The following RAB5C variants were observed in gnomAD, a reference collection of about 807,000 sequenced individuals.
RAB5C encodes RAB5C, member RAS oncogene family.
RAB5C carries 4 observed loss-of-function variants against 25.2 expected under a neutral mutation model. The observed-to-expected ratio is 0.16, with a 90% CI of 0.08 to 0.36. The LOEUF is 0.36. Among genes scored for constraint, RAB5C ranks in the 10% least tolerant of loss-of-function variants. The pLI is 1.00. For missense variants in RAB5C, 199 were observed against 283.8 expected, an observed-to-expected ratio of 0.70 and a Z score of 2.15; for synonymous variants, 100 against 106.4, an observed-to-expected ratio of 0.94 and a Z score of 0.37.
chr17:42,154,079 T>G (rs2079689702), intron 1 of RAB5C, among the ~76,000 whole-genome samples: 1 of 152,104 alleles, frequency 6.6e-6, no homozygotes, highest in African/African-American at 2.4e-5. Context: ...AAGCAGTCCC[T>G]TTGAGGCGGC....
rs1275591674 is a variant in RAB5C at position 42,130,317 on chromosome 17, A to T, written c.166+20T>A. 6.3e-7 allele frequency: 1 copy of T among 1,578,192 alleles called. No individual in the cohort carries two copies. On this transcript the variant is annotated intron_variant, in intron 2 of 5. Transcript: ENST00000346213. Reference sequence around the variant, plus strand: ...TTGGCAACCTTCAGGCCCCTCCCCGACTCCCTCATGCCCACTCACCTCCAA... The same window carrying T: ...TTGGCAACCTTCAGGCCCCTCCCCGTCTCCCTCATGCCCACTCACCTCCAA...
chr17:42,140,550 G>A (rs1476215674), intron 1 of RAB5C, among the ~76,000 whole-genome samples: 1 of 117,154 alleles, frequency 8.5e-6, no homozygotes, highest in Non-Finnish European at 1.7e-5. Context: ...TTGAGATGGA[G>A]TCTCGCTCTG....
At chr17:42,147,816 G>C (rs2144097596) in intron 1 of RAB5C, among the ~76,000 whole-genome samples, 1 of 152,244 alleles carries the variant, frequency 6.6e-6, no homozygotes, top group South Asian at 2.1e-4. Flanking sequence ...GTGGGCGAGG[G>C]CCAGGCATGG....
intron 1 of RAB5C, among the ~76,000 whole-genome samples, chr17:42,131,416 C>A (rs776232230): frequency 6.6e-6 from 1 of 150,602 alleles, no homozygotes; most frequent in Non-Finnish European, 1.5e-5. Flanking sequence ...ACACACACAC[C>A]GGAACAAATA....
intron 1 of RAB5C, among the ~76,000 whole-genome samples, chr17:42,133,645 C>G (rs147780914): frequency 7.7e-4 from 117 of 152,304 alleles, no homozygotes; most frequent in African/African-American, 2.7e-3. Context: ...AGAGTGAGCA[C>G]AGGCACTGGC....
At chr17:42,143,565 A>T (rs1387893938) in intron 1 of RAB5C, among the ~76,000 whole-genome samples, 1 of 152,090 alleles carries the variant, frequency 6.6e-6, no homozygotes, top group Non-Finnish European at 1.5e-5. Flanking sequence ...TGAATCTGGG[A>T]GGCAGAGGCT....
At chr17:42,136,173 G>T (rs528811699) in intron 1 of RAB5C, 3 of 152,306 alleles carry the variant, frequency 2.0e-5, no homozygotes, top group African/African-American at 4.8e-5. Flanking sequence ...CGGTTCAAAG[G>T]CTAAAGTGGA....
chr17:42,130,853 A>C (rs2054478298), intron 1 of RAB5C, among the ~76,000 whole-genome samples: 2 of 152,060 alleles, frequency 1.3e-5, no homozygotes, highest in African/African-American at 2.4e-5. Context: ...AAACACATTG[A>C]CTTCTGGATC....
intron 1 of RAB5C, among the ~76,000 whole-genome samples, chr17:42,131,080 C>T (rs578242304): frequency 6.6e-6 from 1 of 152,316 alleles, no homozygotes. Context: ...CCAAGAGGTC[C>T]TGGTAGAAAG....
intron 1 of RAB5C, among the ~76,000 whole-genome samples, chr17:42,148,874 T>A (rs1038027238): frequency 6.6e-6 from 1 of 152,018 alleles, no homozygotes; most frequent in East Asian, 1.9e-4. Context: ...TACTACATAG[T>A]CCCCCACTCT....
chr17:42,126,845 C>G lies in RAB5C; in HGVS notation c.445G>C (p.Ala149Pro), dbSNP rs2144059038. 6.2e-7 allele frequency: 1 copy of G among 1,608,762 alleles called. No individual in the cohort carries two copies. Among genetic ancestry groups the G allele is most frequent in the Middle Eastern group, 1.7e-4 (1 of 6,046 alleles). Residue 149 changes from alanine to proline, a missense_variant, in exon 5 of 6, where the codon GCA becomes CCA. This residue lies in a region of RAB5C where 154 missense variants were observed against 199.6 expected (regional missense o/e 0.77). Coordinates refer to ENST00000346213, the MANE Select transcript of RAB5C (RefSeq NM_004583.4). ...CTGTTGTCGTCTGCATAGGCTTGTG[C>G]TTCCTGGTTTGGATGGAGGTGAGAG... ...ASKRAVEFQE[A>P]QAYADDNSLL...
chr17:42,131,455 A>C lies in RAB5C; in HGVS notation c.-88-865T>G, dbSNP rs116071197. 7.4e-3 allele frequency among the ~76,000 whole-genome samples: 1,115 copies of C among 151,424 alleles called. 5 individuals are homozygous for C. The highest frequency in any genetic ancestry group is 0.015 in the African/African-American group (606 of 41,220). On this transcript the variant is annotated intron_variant, in intron 1 of 5. Coordinates refer to ENST00000346213, the MANE Select transcript of RAB5C (RefSeq NM_004583.4). ...ACTGAAACACACACACACACACACAAAAACACATGCCAACACACACACAGA... is the reference window on the plus strand; with the variant it reads ...ACTGAAACACACACACACACACACACAAACACATGCCAACACACACACAGA...
At chr17:42,144,925 CAAAAAAAAAAAAAAAAAAAAA>C (rs544870361) in intron 1 of RAB5C, among the ~76,000 whole-genome samples, 8 of 31,104 alleles carry the variant, frequency 2.6e-4, no homozygotes, top group African/African-American at 3.9e-4. Flanking sequence ...GACTCCGTCT[CAAAAAAAAAAAAAAAAAAAAA>C]AAAAAAAAAA....
intron 1 of RAB5C, among the ~76,000 whole-genome samples, chr17:42,143,791 T>C (rs1404597685): frequency 6.6e-6 from 1 of 152,176 alleles, no homozygotes; most frequent in Non-Finnish European, 1.5e-5. Flanking sequence ...GGATTATTTA[T>C]TTATTTATTT....
intron 1 of RAB5C, among the ~76,000 whole-genome samples, chr17:42,139,481 G>C (rs932423199): frequency 6.6e-6 from 1 of 151,748 alleles, no homozygotes; most frequent in Non-Finnish European, 1.5e-5. Context: ...CTTTTTTTTT[G>C]AGACGGAATC....
At chr17:42,126,433 C>G (rs2054423995) in intron 5 of RAB5C, 2 of 185,550 alleles carry the variant, frequency 1.1e-5, no homozygotes, top group African/African-American at 2.4e-5. Flanking sequence ...GAGATCGAGA[C>G]CATCCTGGCT....
intron 1 of RAB5C, among the ~76,000 whole-genome samples, chr17:42,143,845 G>A (rs2079616621): frequency 6.6e-6 from 1 of 152,002 alleles, no homozygotes; most frequent in African/African-American, 2.4e-5. Context: ...GGGTGCAGTG[G>A]CAGGATCTCT....
At chr17:42,126,702 A>AGG in intron 5 of RAB5C, 53 bp downstream of exon 5, 1 of 1,114,816 alleles carries the variant, frequency 9.0e-7, no homozygotes, top group Non-Finnish European at 1.3e-6. Context: ...ACCAGCAGAC[A>AGG]GGTGATATGC....
At chr17:42,126,159 A>G (rs2054421011) in intron 5 of RAB5C, among the ~76,000 whole-genome samples, 1 of 152,134 alleles carries the variant, frequency 6.6e-6, no homozygotes, top group Non-Finnish European at 1.5e-5. Flanking sequence ...AATGAGCTAA[A>G]AACTCCTAGG....
Sources: allele counts gnomAD v4.1 joint callset (sites outside exome capture counted in the v4.1 genomes callset), GRCh38; gene constraint gnomAD v4.1.1; regional missense constraint gnomAD v4.1.1; transcripts MANE v1.5; gene names NCBI Gene and HGNC (gene_info 2026-07-23, HGNC 2026-07-21).